The following ENTR1 variants were observed in gnomAD, a reference collection of about 807,000 sequenced individuals.
The protein encoded by ENTR1 is endosome-associated-trafficking regulator 1.
A neutral mutation model predicts 47.9 loss-of-function variants in ENTR1; 47 were observed. That is an observed-to-expected ratio of 0.98 (90% CI 0.78 to 1.25). The LOEUF (loss-of-function observed/expected upper bound fraction) is 1.25, where lower values mean the gene tolerates loss of function less well. Among genes scored for constraint, ENTR1 ranks in the 50% most tolerant of loss-of-function variants. ENTR1 has a pLI of 0.00. For missense variants in ENTR1, 668 were observed against 570.5 expected (o/e 1.17, Z -1.74); for synonymous variants, 290 against 245.8 (o/e 1.18, Z -1.68).
chr9:136,408,749 C>A (rs933243959), intron 3 of ENTR1, among the ~76,000 whole-genome samples: 1 of 152,218 alleles, frequency 6.6e-6, no homozygotes, highest in Non-Finnish European at 1.5e-5. Context: ...CCACACTCGA[C>A]CCTCCCAGCT....
chr9:136,406,532 A>G (rs1446052593), intron 5 of ENTR1, among the ~76,000 whole-genome samples: 2 of 151,268 alleles, frequency 1.3e-5, no homozygotes, highest in East Asian at 4.0e-4. Flanking sequence ...GCTGGAGTAC[A>G]GTGGCGTGAC....
At chr9:136,403,197 C>T (rs1362508471) in intron 9 of ENTR1, among the ~76,000 whole-genome samples, 3 of 16,300 alleles carry the variant, frequency 1.8e-4, no homozygotes, top group Non-Finnish European at 2.3e-4. Flanking sequence ...GTTTCCAGAG[C>T]GGGGAGGGAT....
intron 8 of ENTR1, 134 bp from the exon 9 acceptor site, chr9:136,404,328 G>A (rs1834656890): frequency 6.5e-6 from 8 of 1,238,862 alleles, no homozygotes; most frequent in South Asian, 1.4e-5. Context: ...CTGGGGGCTC[G>A]CCTCTGGGAC....
chr9:136,409,503 A>T lies in ENTR1; in HGVS notation c.221-436T>A, dbSNP rs529490295. Among the ~76,000 whole-genome samples the T allele has an allele frequency of 4.1e-4, 63 of 152,244 alleles. 1 individual carries two copies. The highest frequency in any genetic ancestry group is 6.9e-4 in the Non-Finnish European group (47 of 68,016). On this transcript the variant is annotated intron_variant, in intron 2 of 9. Transcript: ENST00000357365. ...GTCAGCCGAGAAAACTTTAAAAAAA[A>T]CACAAGCTCCCAGACTTGTGACCCT...
chr9:136,409,128 T>C (rs117970634), intron 2 of ENTR1, 61 bp from the exon 3 acceptor site: 50,966 of 1,509,122 alleles, frequency 0.034, 1,058 homozygotes, highest in East Asian at 0.097. Flanking sequence ...TCACATTTGG[T>C]TTTTTTCTTT....
At chr9:136,404,901 C>G (rs2131550595) in intron 7 of ENTR1, 190 bp downstream of exon 7, 2 of 664,800 alleles carry the variant, frequency 3.0e-6, no homozygotes, top group East Asian at 5.4e-5. Flanking sequence ...CCCCCCACTC[C>G]CCACGGATGC....
chr9:136,409,458 G>A (rs1234874190), intron 2 of ENTR1, among the ~76,000 whole-genome samples: 4 of 152,182 alleles, frequency 2.6e-5, no homozygotes, highest in African/African-American at 2.4e-5. Context: ...TGGGATTACA[G>A]GCGTAAGCCA....
chr9:136,407,655 G>C (rs927055265), intron 4 of ENTR1, 94 bp from the exon 5 acceptor site: 2 of 1,469,694 alleles, frequency 1.4e-6, no homozygotes, highest in Non-Finnish European at 9.0e-7. Context: ...CAAGAAGAAA[G>C]GCCCAATCTC....
rs1482141914 is a variant in ENTR1, at chr9:136,410,530, C to G, written c.-133G>C. On this transcript the variant is annotated 5_prime_UTR_variant, in exon 1 of 10. Coordinates refer to ENST00000357365, the MANE Select transcript of ENTR1 (RefSeq NM_001039707.2). ...CCGTCGCCCGCCGCTCGGCCGCCCC[C>G]GCGCCTCCGAGCCTCTCGCCGCTGC... The G allele has an allele frequency of 1.1e-5, 12 of 1,061,594 alleles. No homozygotes were observed. The highest frequency in any genetic ancestry group is 1.4e-5 in the Non-Finnish European group (12 of 847,602). 65.8% of individuals were successfully genotyped at this position (1,061,594 alleles called of 1,614,324 possible). A position where few individuals can be genotyped will look rare whatever the true frequency, so the allele number is the denominator to read the frequency against.
intron 3 of ENTR1, among the ~76,000 whole-genome samples, chr9:136,408,150 T>A (rs1371811173): frequency 6.6e-6 from 1 of 152,150 alleles, no homozygotes; most frequent in Non-Finnish European, 1.5e-5. Flanking sequence ...AATCTTCTCC[T>A]TCCACCCCTC....
chr9:136,410,273 GC>G (rs1464856774), intron 1 of ENTR1, 34 bp from the exon 2 acceptor site: 15 of 1,552,996 alleles, frequency 9.7e-6, no homozygotes, highest in Non-Finnish European at 1.3e-5. Flanking sequence ...TTTACTGCGT[GC>G]CGGGGCGGCC....
chr9:136,404,335 G>C (rs1050389511), intron 8 of ENTR1, 141 bp from the exon 9 acceptor site: 6 of 1,142,256 alleles, frequency 5.3e-6, no homozygotes, highest in Non-Finnish European at 6.3e-6. Context: ...CTCGCCTCTG[G>C]GACTGGGGGC....
chr9:136,405,295 G>C lies in ENTR1; in HGVS notation c.894-93C>G. ...TCATGAGCCAGATAAAACCCGCTAA[G>C]AGCCTGTGATGGAATGGGTCTCAGG... On this transcript the variant is annotated intron_variant, in intron 6 of 9. Transcript: ENST00000357365. The C allele has an allele frequency of 4.0e-6, 4 of 1,007,276 alleles. No individual in the cohort carries two copies. In the South Asian group the frequency reaches 5.3e-5, roughly 13 times the overall value. The allele number at this position is 1,007,276 out of a possible 1,614,324, so 62.4% of individuals were successfully genotyped here. A position where few individuals can be genotyped will look rare whatever the true frequency, so the allele number is the denominator to read the frequency against.
At chr9:136,406,165 G>A (rs573937828) in intron 5 of ENTR1, among the ~76,000 whole-genome samples, 187 bp from the exon 6 acceptor site, 28 of 152,306 alleles carry the variant, frequency 1.8e-4, no homozygotes, top group Non-Finnish European at 2.4e-4. Context: ...TGTGGTCACA[G>A]ATGCCAGTTA....
intron 4 of ENTR1, 80 bp downstream of exon 4, chr9:136,407,746 C>A: frequency 7.2e-7 from 1 of 1,390,264 alleles, no homozygotes; most frequent in Admixed American, 1.7e-5. Flanking sequence ...CACACTCATG[C>A]ACGATTCCTC....
Position 136,402,847 on chromosome 9 carries a change from C to G in ENTR1, c.1249G>C (p.Glu417Gln), listed in dbSNP as rs369068460. 1.2e-6 allele frequency: 2 copies of G among 1,612,810 alleles called. No homozygotes were observed. The highest frequency in any genetic ancestry group is 2.2e-5 in the South Asian group (2 of 91,038). ...ATTCTGTCTATAGATTTAAGGATTT[C>G]GGCAACAAGATTCAGTGTCTCAGCT... is the stretch of plus-strand genomic sequence containing the variant. ...SGAETLNLVA[E>Q]ILKSIDRISE... The change falls in exon 10 of 10, where the codon GAA (glutamate) becomes CAA (glutamine). Residue 417 changes from glutamate to glutamine, a missense_variant. Glu to Gln is a conservative substitution (Grantham distance 29). Transcript: ENST00000357365.
chr9:136,405,312 G>C (rs1319298231), intron 6 of ENTR1, 110 bp from the exon 7 acceptor site: 5 of 838,398 alleles, frequency 6.0e-6, no homozygotes, highest in Non-Finnish European at 9.8e-6. Context: ...TGATGGAATG[G>C]GTCTCAGGCA....
intron 2 of ENTR1, 77 bp from the exon 3 acceptor site, chr9:136,409,144 A>G (rs1249783085): frequency 4.7e-6 from 6 of 1,264,504 alleles, no homozygotes; most frequent in African/African-American, 1.5e-5. Flanking sequence ...TCTTTTGCAC[A>G]TGGAGTCTCC....
chr9:136,408,801 C>G (rs532986678), intron 3 of ENTR1, among the ~76,000 whole-genome samples, 198 bp downstream of exon 3: 4 of 152,308 alleles, frequency 2.6e-5, no homozygotes, highest in African/African-American at 9.6e-5. Context: ...CCCAGCCCCC[C>G]AGGTGGGGCT....
Sources: gnomAD v4.1 joint callset for allele counts (sites outside exome capture counted in the v4.1 genomes callset) on GRCh38, gnomAD v4.1.1 for gene constraint, MANE v1.5 for transcripts, NCBI Gene and HGNC (gene_info 2026-07-23, HGNC 2026-07-21) for gene names.